The following NDST4 variants were observed in gnomAD, a reference collection of about 807,000 sequenced individuals.
NDST4 encodes the protein N-heparan sulfate sulfotransferase 4.
In NDST4, 63 loss-of-function variants were observed where a neutral mutation model predicts 100.8. That is an observed-to-expected ratio of 0.62 (90% CI 0.51 to 0.77). The LOEUF is 0.77. Among genes scored for constraint, NDST4 ranks in the 30% least tolerant of loss-of-function variants. The pLI is 0.00. For missense variants in NDST4, 943 were observed against 1,018.4 expected (o/e 0.93, Z 1.01); for synonymous variants, 377 against 361.8 (o/e 1.04, Z -0.48).
intron 5 of NDST4, 150 bp from the exon 6 acceptor site, chr4:114,935,484 T>C (rs1031184127): frequency 1.2e-4 from 76 of 628,540 alleles, no homozygotes; most frequent in African/African-American, 1.2e-3. Flanking sequence ...CAAGTTGATG[T>C]TGGTGCAATT....
chr4:114,829,649 T>C, intron 13 of NDST4, 141 bp downstream of exon 13: 1 of 551,456 alleles, frequency 1.8e-6, no homozygotes, highest in Non-Finnish European at 3.1e-6. Context: ...GTGTCAATTA[T>C]CTCTATCATC....
chr4:115,106,690 T>C (rs530148902), intron 1 of NDST4, among the ~76,000 whole-genome samples: 1 of 152,280 alleles, frequency 6.6e-6, no homozygotes, highest in African/African-American at 2.4e-5. Context: ...CATTTTCAGT[T>C]AGTTGAATTC....
At chr4:114,986,608 C>T (rs2126249347) in intron 2 of NDST4, among the ~76,000 whole-genome samples, 1 of 151,812 alleles carries the variant, frequency 6.6e-6, no homozygotes, top group South Asian at 2.1e-4. Flanking sequence ...CAAACTATGT[C>T]TGCGTCCTGC....
intron 2 of NDST4, among the ~76,000 whole-genome samples, chr4:115,071,060 G>C (rs891902142): frequency 6.6e-6 from 1 of 151,766 alleles, no homozygotes; most frequent in Non-Finnish European, 1.5e-5. Context: ...AGCTGAGTTT[G>C]TGCCACTATA....
At chr4:114,861,606 T>C (rs1467330036) in intron 7 of NDST4, among the ~76,000 whole-genome samples, 1 of 152,122 alleles carries the variant, frequency 6.6e-6, no homozygotes, top group East Asian at 1.9e-4. Context: ...AAGATAAGTT[T>C]TGCCTCACAC....
intron 2 of NDST4, among the ~76,000 whole-genome samples, chr4:115,027,748 G>A (rs1020231538): frequency 2.0e-5 from 3 of 151,700 alleles, no homozygotes; most frequent in Admixed American, 6.6e-5. Flanking sequence ...AACTTCTTTG[G>A]TAAGCATGTT....
chr4:115,110,499 T>C (rs1484393171), intron 1 of NDST4, among the ~76,000 whole-genome samples: 1 of 151,972 alleles, frequency 6.6e-6, no homozygotes, highest in East Asian at 1.9e-4. Context: ...CTTCAGAAGA[T>C]ATATGCTACA....
intron 2 of NDST4, among the ~76,000 whole-genome samples, chr4:114,990,881 A>G (rs1434780342): frequency 1.3e-5 from 2 of 152,170 alleles, no homozygotes; most frequent in South Asian, 2.1e-4. Flanking sequence ...TCGCTGTGCC[A>G]TATTAGGTTT....
chr4:114,844,130 A>G (rs1211491303), intron 10 of NDST4, among the ~76,000 whole-genome samples: 1 of 152,134 alleles, frequency 6.6e-6, no homozygotes, highest in African/African-American at 2.4e-5. Flanking sequence ...ATATCTCTGA[A>G]TACTTATTCT....
At chr4:115,107,930 A>G (rs1183537717) in intron 1 of NDST4, among the ~76,000 whole-genome samples, 4 of 152,066 alleles carry the variant, frequency 2.6e-5, no homozygotes, top group African/African-American at 9.7e-5. Flanking sequence ...TTCTATGGAT[A>G]TCAAGAAAAT....
At chr4:115,068,383 C>G (rs1266433622) in intron 2 of NDST4, among the ~76,000 whole-genome samples, 1 of 152,090 alleles carries the variant, frequency 6.6e-6, no homozygotes, top group Non-Finnish European at 1.5e-5. Flanking sequence ...AACCAAATAG[C>G]CTGCTAGCTT....
intron 2 of NDST4, among the ~76,000 whole-genome samples, chr4:115,045,832 A>G (rs767712874): frequency 6.6e-6 from 1 of 152,140 alleles, no homozygotes; most frequent in Non-Finnish European, 1.5e-5. Flanking sequence ...TGGAAGAAAT[A>G]TGGGAGAATT....
chr4:114,902,487 A>G (rs1005845881), intron 6 of NDST4, among the ~76,000 whole-genome samples: 10 of 151,940 alleles, frequency 6.6e-5, no homozygotes, highest in Admixed American at 5.3e-4. Flanking sequence ...CCTATAACTT[A>G]TTTCAGAATT....
rs143871372 is a variant in NDST4, at chr4:114,982,794, C to A, written c.979-5520G>T. Among the ~76,000 whole-genome samples the A allele has an allele frequency of 4.7e-3, 714 of 152,228 alleles. 6 individuals carry two copies. The highest frequency in any genetic ancestry group is 0.016 in the African/African-American group (684 of 41,556). ...GCATTTCAGAGACCTTCACAGCAGC[C>A]CCTCCCATCACAGGCCCAGAGGCCT... On this transcript the variant is annotated intron_variant, in intron 2 of 13. Coordinates refer to ENST00000264363, the MANE Select transcript of NDST4 (RefSeq NM_022569.3).
rs1387426984 is a variant in NDST4 at position 115,076,773 on chromosome 4, G to A, written c.264C>T (p.Tyr88=). The change falls in exon 2 of 14, where the codon TAC becomes TAT. Residue 88 remains tyrosine, a synonymous_variant. Coordinates refer to ENST00000264363, the MANE Select transcript of NDST4 (RefSeq NM_022569.3). ...CTATGATATCTTGACCGAGTTGAGA[G>A]TATTGGCTCTCCACGAAGAGAAGGA... The part of the protein sequence containing the change: ...PTVLLFVESQ[Y]SQLGQDIIAI... 2.5e-6 allele frequency: 4 copies of A among 1,613,890 alleles called. No homozygotes were observed. Among genetic ancestry groups the A allele is most frequent in the African/African-American group, 2.7e-5 (2 of 74,932 alleles).
At chr4:114,956,386 C>G (rs763677826) in intron 4 of NDST4, among the ~76,000 whole-genome samples, 1 of 152,112 alleles carries the variant, frequency 6.6e-6, no homozygotes, top group Non-Finnish European at 1.5e-5. Flanking sequence ...CACTCTCAAA[C>G]AGTAGAGATT....
At chr4:114,953,883 T>C (rs921486500) in intron 4 of NDST4, among the ~76,000 whole-genome samples, 3 of 152,168 alleles carry the variant, frequency 2.0e-5, no homozygotes, top group African/African-American at 7.2e-5. Context: ...TATAAAAGAA[T>C]ACTTTTAAAC....
chr4:115,108,389 A>G (rs956879665), intron 1 of NDST4, among the ~76,000 whole-genome samples: 3 of 151,996 alleles, frequency 2.0e-5, no homozygotes, highest in Non-Finnish European at 2.9e-5. Context: ...CTGATTCAGG[A>G]ATAGAATCAA....
intron 6 of NDST4, among the ~76,000 whole-genome samples, chr4:114,901,313 ATT>A (rs1392383058): frequency 6.6e-6 from 1 of 152,004 alleles, no homozygotes; most frequent in African/African-American, 2.4e-5. Context: ...TGCCTTCAGT[ATT>A]TGCACATACA....
Sources: gnomAD v4.1 joint callset for allele counts (sites outside exome capture counted in the v4.1 genomes callset) on GRCh38, gnomAD v4.1.1 for gene constraint, MANE v1.5 for transcripts, NCBI Gene and HGNC (gene_info 2026-07-23, HGNC 2026-07-21) for gene names.